The following DTNA variants were observed in gnomAD, a reference collection of about 807,000 sequenced individuals.
DTNA encodes the protein dystrobrevin alpha.
In DTNA, 43 loss-of-function variants were observed where a neutral mutation model predicts 100.7. The ratio of observed to expected loss-of-function variants is 0.43; its 90% CI spans 0.33 to 0.55. The LOEUF is 0.55. Among genes scored for constraint, DTNA ranks in the 20% least tolerant of loss-of-function variants. The probability of loss-of-function intolerance (pLI) is 0.04; values close to 1 mark genes in which losing one functional copy is unlikely to be tolerated. For missense variants in DTNA, 798 were observed against 953.9 expected (o/e 0.84, Z 2.15); for synonymous variants, 349 against 347.9 (o/e 1.00, Z -0.04).
At chr18:34,732,530 T>G (rs2088546602) in intron 1 of DTNA, among the ~76,000 whole-genome samples, 1 of 152,214 alleles carries the variant, frequency 6.6e-6, no homozygotes, top group South Asian at 2.1e-4. Flanking sequence ...TGAGCTGGGT[T>G]CTATTCTCCT....
intron 2 of DTNA, among the ~76,000 whole-genome samples, chr18:34,762,197 T>A (rs938283771): frequency 6.6e-6 from 1 of 152,230 alleles, no homozygotes; most frequent in East Asian, 1.9e-4. Flanking sequence ...AATACGCTTT[T>A]TAATAAGACT....
Position 34,890,633 on chromosome 18 carries a change from A to C in DTNA, c.*2899A>C. The C allele has an allele frequency of 1.1e-6, 1 of 879,980 alleles. No individual in the cohort carries two copies. The highest frequency in any genetic ancestry group is 1.7e-6 in the Non-Finnish European group (1 of 598,440). 54.5% of individuals were successfully genotyped at this position (879,980 alleles called of 1,614,324 possible). A position where few individuals can be genotyped will look rare whatever the true frequency, so the allele number is the denominator to read the frequency against. On this transcript the variant is annotated 3_prime_UTR_variant, in exon 23 of 23. Transcript: ENST00000444659. ...ATTAATGGAGGAGGGGAGGAAGGTGAAATCTACTGCATGGGATTCAGGAAA... is the reference window on the plus strand; with the variant it reads ...ATTAATGGAGGAGGGGAGGAAGGTGCAATCTACTGCATGGGATTCAGGAAA...
At chr18:34,885,557 C>G (rs2096914060) in intron 22 of DTNA, among the ~76,000 whole-genome samples, 1 of 152,110 alleles carries the variant, frequency 6.6e-6, no homozygotes, top group Non-Finnish European at 1.5e-5. Flanking sequence ...GAACTTTGGG[C>G]AAATTATTAA....
At chr18:34,717,400 A>G (rs1335748726) in intron 1 of DTNA, among the ~76,000 whole-genome samples, 2 of 152,222 alleles carry the variant, frequency 1.3e-5, no homozygotes, top group African/African-American at 2.4e-5. Context: ...AGATAGGACA[A>G]GAAGGTGAGT....
chr18:34,869,543 T>C (rs2096742555), intron 17 of DTNA, among the ~76,000 whole-genome samples: 1 of 152,270 alleles, frequency 6.6e-6, no homozygotes, highest in Non-Finnish European at 1.5e-5. Flanking sequence ...TACTAATATC[T>C]ACAGAGTGTG....
chr18:34,843,876 T>C (rs1422336049), intron 13 of DTNA, among the ~76,000 whole-genome samples: 1 of 152,106 alleles, frequency 6.6e-6, no homozygotes, highest in Non-Finnish European at 1.5e-5. Flanking sequence ...AAAATGTGAG[T>C]TTATTGCAAT....
chr18:34,853,220 G>A (rs953563135), intron 15 of DTNA, among the ~76,000 whole-genome samples: 85 of 152,222 alleles, frequency 5.6e-4, no homozygotes, highest in African/African-American at 1.9e-3. Context: ...ACGCAATTAC[G>A]TTTGCACCAA....
intron 1 of DTNA, among the ~76,000 whole-genome samples, chr18:34,660,019 C>T (rs1409929206): frequency 1.3e-5 from 2 of 152,146 alleles, no homozygotes; most frequent in African/African-American, 4.8e-5. Context: ...AATTGTATTT[C>T]AGTTCTTTAA....
chr18:34,817,319 C>T (rs1602583266), intron 7 of DTNA, among the ~76,000 whole-genome samples: 1 of 152,066 alleles, frequency 6.6e-6, no homozygotes, highest in South Asian at 2.1e-4. Context: ...CTGGTTAGGC[C>T]GGAGAATAGC....
At position 34,889,353 on chromosome 18, in the gene DTNA, G is replaced by C. The variant is rs551234142; in HGVS notation, c.*1619G>C. On this transcript the variant is annotated 3_prime_UTR_variant, in exon 23 of 23. Coordinates refer to ENST00000444659, the MANE Select transcript of DTNA (RefSeq NM_001386795.1). Reference sequence around the variant, plus strand: ...TACTGAATCAGAAGCTCTGGGGGTTGGGTCCAGAAGTCTGTTTTAGTCAAC... The same window carrying C: ...TACTGAATCAGAAGCTCTGGGGGTTCGGTCCAGAAGTCTGTTTTAGTCAAC... 3.1e-6 allele frequency: 3 copies of C among 982,602 alleles called. No homozygotes were observed. Among genetic ancestry groups the C allele is most frequent in the Non-Finnish European group, 3.6e-6 (3 of 827,402 alleles). 60.9% of individuals were successfully genotyped at this position (982,602 alleles called of 1,614,324 possible).
intron 1 of DTNA, among the ~76,000 whole-genome samples, chr18:34,615,087 C>T (rs1191447333): frequency 6.6e-6 from 1 of 152,180 alleles, no homozygotes; most frequent in Non-Finnish European, 1.5e-5. Context: ...ACTTATGGTT[C>T]TACAGGCTGT....
chr18:34,617,052 G>T (rs1170497629), intron 1 of DTNA, among the ~76,000 whole-genome samples: 2 of 152,038 alleles, frequency 1.3e-5, no homozygotes, highest in Non-Finnish European at 2.9e-5. Flanking sequence ...CTAAGTATAG[G>T]ATCATATCTG....
At chr18:34,618,128 CCA>C (rs1249019351) in intron 1 of DTNA, among the ~76,000 whole-genome samples, 1 of 152,090 alleles carries the variant, frequency 6.6e-6, no homozygotes, top group Non-Finnish European at 1.5e-5. Context: ...GAAGAGGAAA[CCA>C]CAGTCTAGAG....
At chr18:34,708,737 G>A (rs76850146), upstream of DTNA, among the ~76,000 whole-genome samples, 2,241 of 152,320 alleles carry the variant, frequency 0.015, 59 homozygotes, top group African/African-American at 0.052. Context: ...TCACGTGCCA[G>A]TCAGCTTTCT....
intron 1 of DTNA, among the ~76,000 whole-genome samples, chr18:34,656,376 A>C (rs1480433): frequency 0.06 from 9,172 of 152,240 alleles, 335 homozygotes; most frequent in Non-Finnish European, 0.075. Context: ...TCTTGCTAGG[A>C]ATTAGAAGAA....
intron 17 of DTNA, 139 bp downstream of exon 17, chr18:34,864,201 A>T: frequency 1.4e-6 from 1 of 721,360 alleles, no homozygotes; most frequent in South Asian, 1.7e-5. Flanking sequence ...GATGTAAAAC[A>T]ATTTGTTAGA....
upstream of DTNA, among the ~76,000 whole-genome samples, chr18:34,706,857 G>T (rs183464042): frequency 1.3e-5 from 2 of 152,162 alleles, no homozygotes; most frequent in Non-Finnish European, 1.5e-5. Flanking sequence ...ATATTTTTTA[G>T]GTCAGCTGCT....
chr18:34,729,382 A>G (rs1015430968), intron 1 of DTNA, among the ~76,000 whole-genome samples: 1 of 151,904 alleles, frequency 6.6e-6, no homozygotes. Context: ...CCTGCAATCA[A>G]GAGACAGAGA....
intron 1 of DTNA, among the ~76,000 whole-genome samples, chr18:34,604,178 G>A (rs894518841): frequency 6.6e-6 from 1 of 152,136 alleles, no homozygotes; most frequent in African/African-American, 2.4e-5. Context: ...GCGTGACCGG[G>A]TGTGTGTCCT....
Sources: allele counts gnomAD v4.1 joint callset (sites outside exome capture counted in the v4.1 genomes callset), GRCh38; gene constraint gnomAD v4.1.1; transcripts MANE v1.5; gene names NCBI Gene and HGNC (gene_info 2026-07-23, HGNC 2026-07-21).